The following ARHGEF18 variants were observed in gnomAD, a reference collection of about 807,000 sequenced individuals.
ARHGEF18 encodes Rho/Rac guanine nucleotide exchange factor 18, also known as rho guanine nucleotide exchange factor 18.
A neutral mutation model predicts 155.7 loss-of-function variants in ARHGEF18; 93 were observed. The observed-to-expected ratio is 0.60, with a 90% CI of 0.50 to 0.71. The LOEUF (loss-of-function observed/expected upper bound fraction) is 0.71. Among genes scored for constraint, ARHGEF18 ranks in the 30% least tolerant of loss-of-function variants. ARHGEF18 has a pLI of 0.00. For synonymous variants in ARHGEF18, 742 were observed against 753.1 expected (o/e 0.99, Z 0.24); for missense variants, 1,593 against 1,816.1 (o/e 0.88, Z 2.23).
At chr19:7,388,133 C>T (rs1054889150) in intron 10 of ARHGEF18, among the ~76,000 whole-genome samples, 11 of 152,018 alleles carry the variant, frequency 7.2e-5, no homozygotes, top group African/African-American at 2.4e-4. Context: ...GTTCCAACAG[C>T]GTCTAATTTC....
chr19:7,442,171 T>G, intron 13 of ARHGEF18, 119 bp downstream of exon 13: 1 of 1,007,418 alleles, frequency 9.9e-7, no homozygotes, highest in Non-Finnish European at 1.4e-6. Context: ...CCTTCCTTCC[T>G]TATCTTTTTC....
At chr19:7,393,634 T>G (rs1429667531) in intron 10 of ARHGEF18, among the ~76,000 whole-genome samples, 3 of 151,858 alleles carry the variant, frequency 2.0e-5, no homozygotes, top group African/African-American at 7.3e-5. Flanking sequence ...ACCTCAAGAC[T>G]GGGGTGTCTG....
downstream of ARHGEF18, among the ~76,000 whole-genome samples, chr19:7,476,691 C>T (rs1977235466): frequency 1.3e-5 from 2 of 152,214 alleles, no homozygotes; most frequent in Admixed American, 6.5e-5. Flanking sequence ...GAGAACAGCC[C>T]TCAATGGCTG....
At chr19:7,357,274 T>C (rs1288686900) in intron 1 of ARHGEF18, among the ~76,000 whole-genome samples, 1 of 152,138 alleles carries the variant, frequency 6.6e-6, no homozygotes. Context: ...GAAGAATCAG[T>C]GTATCTGCCA....
chr19:7,455,331 C>G (rs12979990), intron 17 of ARHGEF18, among the ~76,000 whole-genome samples: 93,391 of 152,062 alleles, frequency 0.61, 29,124 homozygotes, highest in Middle Eastern at 0.76. Flanking sequence ...AAGTCCAGCA[C>G]ATGCTTTAAG....
intron 17 of ARHGEF18, 113 bp from the exon 18 acceptor site, chr19:7,456,214 C>A: frequency 1.1e-6 from 1 of 929,274 alleles, no homozygotes; most frequent in Non-Finnish European, 1.8e-6. Flanking sequence ...TAGGCCCAGG[C>A]AGAAGCATCA....
chr19:7,446,746 A>G (rs79579899), intron 14 of ARHGEF18, among the ~76,000 whole-genome samples: 3,034 of 151,184 alleles, frequency 0.02, 99 homozygotes, highest in African/African-American at 0.068. Flanking sequence ...GTCTAAAAAA[A>G]ATTAGCCAGG....
At chr19:7,375,649 C>G (rs528557745) in intron 3 of ARHGEF18, 71 bp from the exon 4 acceptor site, 1 of 1,228,964 alleles carries the variant, frequency 8.1e-7, no homozygotes, top group Non-Finnish European at 1.0e-6. Context: ...TTCAAGCCCC[C>G]CTGGATGCCT....
chr19:7,377,785 CAAAAA>C (rs60336111), intron 5 of ARHGEF18, among the ~76,000 whole-genome samples: 3 of 103,764 alleles, frequency 2.9e-5, no homozygotes, highest in African/African-American at 6.8e-5. Flanking sequence ...GAAACCGTCT[CAAAAA>C]AAAAAAAAAA....
Position 7,385,919 on chromosome 19 carries a change from T to TCC in ARHGEF18, c.967+2717_967+2718insCC, listed in dbSNP as rs1794194453. Among the ~76,000 whole-genome samples the TCC allele has an allele frequency of 2.1e-4, 14 of 66,156 alleles. 1 individual carries two copies. Among genetic ancestry groups the TCC allele is most frequent in the African/African-American group, 1.3e-3 (14 of 11,200 alleles). The allele number at this position is 66,156 out of a possible 152,430, so 43.4% of individuals were successfully genotyped here. A position where few individuals can be genotyped will look rare whatever the true frequency, so the allele number is the denominator to read the frequency against. On this transcript the variant is annotated intron_variant, in intron 10 of 28. Transcript: ENST00000668164. ...CCCTCTCTCTCTCCCTCTCTCCCTC[T>TCC]CTCTCTCTCTCTCTCTCCCCCTCTC...
the ARHGEF18 span, among the ~76,000 whole-genome samples, chr19:7,478,592 C>T: frequency 6.6e-6 from 1 of 152,246 alleles, no homozygotes; most frequent in Non-Finnish European, 1.5e-5. Context: ...GGACATCGTC[C>T]TGCACTTCTG....
At chr19:7,356,217 T>C (rs1969296992) in intron 1 of ARHGEF18, among the ~76,000 whole-genome samples, 1 of 151,800 alleles carries the variant, frequency 6.6e-6, no homozygotes, top group Non-Finnish European at 1.5e-5. Flanking sequence ...TAACAGCCTT[T>C]ATTATGTCAT....
Position 7,383,089 on chromosome 19 carries a change from AAGGGCC to A in ARHGEF18, c.857_862del (p.Gly286_Gln287del). 1 of 1,232,490 alleles carries A rather than the reference AAGGGCC, an allele frequency of 8.1e-7. No homozygotes were observed. The allele number at this position is 1,232,490 out of a possible 1,614,324, so 76.3% of individuals were successfully genotyped here. On this transcript the variant is annotated inframe_deletion, in exon 10 of 29. Transcript: ENST00000668164. ...GAAGAGCCCAGCACATCTGAAGGAC[AAGGGCC>A]AGGATGCACGAGAGAGGCGGGAGTG...
In ARHGEF18 at chr19:7,440,294, C is replaced by T. The variant is rs749582734; in HGVS notation, c.968-50C>T. ...GGGGCTTCCGCGCCGGGGACCTCCG[C>T]TACCCGACCCACTTTCTCAGCACCA... On this transcript the variant is annotated intron_variant, in intron 10 of 28. Coordinates refer to ENST00000668164, the MANE Select transcript of ARHGEF18 (RefSeq NM_001367823.1). This position sits in a 1 kb window ranked among gnomAD's most constrained non-coding sequence, Gnocchi z 5.4. 105 of 1,583,256 alleles carry T rather than the reference C, an allele frequency of 6.6e-5. No individual in the cohort carries two copies. Among genetic ancestry groups the T allele is most frequent in the Non-Finnish European group, 8.7e-5 (101 of 1,165,334 alleles).
intron 10 of ARHGEF18, among the ~76,000 whole-genome samples, chr19:7,407,798 T>C (rs1003085573): frequency 1.9e-4 from 29 of 151,456 alleles, no homozygotes; most frequent in African/African-American, 7.0e-4. Flanking sequence ...CCGTCTCTAC[T>C]GAAAATACAA....
At chr19:7,364,038 GATAAATGA>G (rs544392747) in intron 2 of ARHGEF18, among the ~76,000 whole-genome samples, 493 of 43,764 alleles carry the variant, frequency 0.011, 3 homozygotes, top group Non-Finnish European at 0.026. Flanking sequence ...AAGGAGGATG[GATAAATGA>G]ATGAATGAAG....
At chr19:7,448,142 T>TA (rs1304675543) in intron 15 of ARHGEF18, among the ~76,000 whole-genome samples, 2 of 152,176 alleles carry the variant, frequency 1.3e-5, no homozygotes, top group African/African-American at 2.4e-5. Flanking sequence ...AAAGGGTCGT[T>TA]TGAAGGGGCT....
chr19:7,478,921 A>C, the ARHGEF18 span, among the ~76,000 whole-genome samples: 1 of 152,194 alleles, frequency 6.6e-6, no homozygotes, highest in Non-Finnish European at 1.5e-5. Flanking sequence ...GGGGCTACCC[A>C]GTGGGCAGCC....
chr19:7,456,247 A>G, intron 17 of ARHGEF18, 80 bp from the exon 18 acceptor site: 1 of 1,256,610 alleles, frequency 8.0e-7, no homozygotes, highest in East Asian at 2.3e-5. Flanking sequence ...CTTCCTGGGA[A>G]GTGGCATCCG....
Sources: gnomAD v4.1 joint callset for allele counts (sites outside exome capture counted in the v4.1 genomes callset) on GRCh38, gnomAD v4.1.1 for gene constraint, Gnocchi (gnomAD v3.1) non-coding constraint, MANE v1.5 for transcripts, NCBI Gene and HGNC (gene_info 2026-07-23, HGNC 2026-07-21) for gene names.